The following RGS7 variants were observed in gnomAD, a reference collection of about 807,000 sequenced individuals.
RGS7 encodes the protein regulator of G-protein signaling 7.
Under a neutral mutation model 81.1 loss-of-function variants are expected in RGS7, and 27 were observed. The observed-to-expected ratio is 0.33, with a 90% CI of 0.25 to 0.46. RGS7 has a LOEUF of 0.46. Among genes scored for constraint, RGS7 ranks in the 20% least tolerant of loss-of-function variants. The pLI, the probability that RGS7 is intolerant of heterozygous loss-of-function variation, is 1.00. For synonymous variants in RGS7, 208 were observed against 207.7 expected (o/e 1.00, Z -0.01); for missense variants, 396 against 607.4 (o/e 0.65, Z 3.66).
chr1:240,790,454 C>T (rs2103007687), intron 18 of RGS7, among the ~76,000 whole-genome samples: 1 of 152,150 alleles, frequency 6.6e-6, no homozygotes, highest in Admixed American at 6.5e-5. Flanking sequence ...AGCCACTGTG[C>T]CCAGCCAATG....
intron 2 of RGS7, among the ~76,000 whole-genome samples, chr1:241,259,715 AAT>A (rs1176755608): frequency 6.8e-6 from 1 of 146,772 alleles, no homozygotes; most frequent in East Asian, 2.0e-4. Flanking sequence ...CAGCAACAAC[AAT>A]ATGTTTTGAT....
chr1:241,034,949 C>T (rs2060253691), intron 3 of RGS7, among the ~76,000 whole-genome samples: 1 of 152,110 alleles, frequency 6.6e-6, no homozygotes, highest in African/African-American at 2.4e-5. Context: ...TCTCTTCTTC[C>T]AACCCTCCAC....
At chr1:241,266,208 C>T (rs561888222) in intron 2 of RGS7, among the ~76,000 whole-genome samples, 3 of 152,300 alleles carry the variant, frequency 2.0e-5, no homozygotes, top group African/African-American at 4.8e-5. Flanking sequence ...AAAATCAGAA[C>T]GAGGGCCACT....
At chr1:241,187,633 A>C (rs991209216) in intron 2 of RGS7, among the ~76,000 whole-genome samples, 22 of 152,210 alleles carry the variant, frequency 1.4e-4, no homozygotes, top group African/African-American at 4.8e-4. Context: ...GGAATGCCAA[A>C]GTTCTCATCT....
intron 4 of RGS7, among the ~76,000 whole-genome samples, chr1:240,943,724 G>C (rs1296175796): frequency 2.0e-5 from 3 of 152,090 alleles, no homozygotes; most frequent in Admixed American, 1.3e-4. Flanking sequence ...TATATCACAG[G>C]GATAGCCACA....
intron 3 of RGS7, among the ~76,000 whole-genome samples, chr1:241,028,573 C>T (rs151264554): frequency 1.6e-4 from 25 of 152,082 alleles, no homozygotes; most frequent in South Asian, 1.0e-3. Context: ...CAGGAGAGCA[C>T]GGGATGAAAG....
chr1:241,158,902 A>G (rs1165934405), intron 2 of RGS7, among the ~76,000 whole-genome samples: 1 of 152,194 alleles, frequency 6.6e-6, no homozygotes, highest in South Asian at 2.1e-4. Flanking sequence ...TGCACTGAAA[A>G]TCATAAAAAT....
chr1:240,874,593 A>T lies in RGS7; in HGVS notation c.386-4474T>A, dbSNP rs191550416. On this transcript the variant is annotated intron_variant, in intron 6 of 18. Coordinates refer to ENST00000440928, the MANE Select transcript of RGS7 (RefSeq NM_001364886.1). ...TATTATTTTAACATTAAAAATTTTT[A>T]AAATATTTTAGTTGATAAATGAGAA... Among the ~76,000 whole-genome samples the T allele has an allele frequency of 4.2e-3, 634 of 152,324 alleles. 9 individuals are homozygous for T. The highest frequency in any genetic ancestry group is 0.013 in the African/African-American group (552 of 41,572).
chr1:241,228,454 T>C (rs2075454729), intron 2 of RGS7, among the ~76,000 whole-genome samples: 1 of 152,216 alleles, frequency 6.6e-6, no homozygotes, highest in South Asian at 2.1e-4. Flanking sequence ...ATAAATGTTA[T>C]ATTATCTATC....
intron 9 of RGS7, among the ~76,000 whole-genome samples, chr1:240,831,347 ACCC>A (rs1693806008): frequency 6.6e-6 from 1 of 152,130 alleles, no homozygotes; most frequent in South Asian, 2.1e-4. Flanking sequence ...AGTGCTGATA[ACCC>A]CTGAATAACT....
At chr1:240,964,919 A>G (rs115136604) in intron 4 of RGS7, among the ~76,000 whole-genome samples, 4,488 of 152,210 alleles carry the variant, frequency 0.029, 130 homozygotes, top group African/African-American at 0.073. Context: ...CCTTTCGGAC[A>G]CTTGTTCTGT....
At chr1:240,796,068 T>C (rs900704361) in intron 18 of RGS7, among the ~76,000 whole-genome samples, 1 of 152,200 alleles carries the variant, frequency 6.6e-6, no homozygotes, top group Non-Finnish European at 1.5e-5. Context: ...ATTACAGGCA[T>C]GAGCCACTGC....
chr1:241,021,572 A>G (rs916572953), intron 3 of RGS7, among the ~76,000 whole-genome samples: 31 of 152,260 alleles, frequency 2.0e-4, no homozygotes, highest in Admixed American at 9.8e-4. Context: ...AGAACCAAGT[A>G]TTTGCTGACT....
chr1:241,088,199 A>G (rs892016154), intron 3 of RGS7, among the ~76,000 whole-genome samples: 13 of 151,666 alleles, frequency 8.6e-5, no homozygotes, highest in African/African-American at 3.2e-4. Flanking sequence ...AATCTTCAAG[A>G]CCAGAGTGGC....
rs148601640 is a variant in RGS7, at chr1:241,046,138, G to A, written c.175+52528C>T. 4.4e-3 allele frequency among the ~76,000 whole-genome samples: 666 copies of A among 152,046 alleles called. 8 individuals carry two copies. Among genetic ancestry groups the A allele is most frequent in the African/African-American group, 0.015 (631 of 41,456 alleles). ...AGCATTTTGTTTTCTGCTGAGATTT[G>A]GGGTAGATCCATTTTTCAAAAAATT... On this transcript the variant is annotated intron_variant, in intron 3 of 18. Transcript: ENST00000440928.
At chr1:241,310,072 A>G (rs1395374298) in intron 2 of RGS7, among the ~76,000 whole-genome samples, 1 of 152,188 alleles carries the variant, frequency 6.6e-6, no homozygotes, top group Non-Finnish European at 1.5e-5. Flanking sequence ...AACGACATTA[A>G]TCCTGTTTCG....
intron 2 of RGS7, among the ~76,000 whole-genome samples, chr1:241,241,072 G>T (rs1451517575): frequency 1.3e-5 from 2 of 152,212 alleles, no homozygotes; most frequent in East Asian, 3.9e-4. Flanking sequence ...GGCTAGAACT[G>T]CCTGTTTGCT....
intron 2 of RGS7, among the ~76,000 whole-genome samples, chr1:241,295,206 TGG>T (rs1276659750): frequency 2.0e-5 from 3 of 152,050 alleles, no homozygotes; most frequent in Non-Finnish European, 4.4e-5. Context: ...CCCAGCACTT[TGG>T]GAGGCCAAGG....
At chr1:240,843,556 A>G (rs375503406) in intron 9 of RGS7, among the ~76,000 whole-genome samples, 3 of 152,292 alleles carry the variant, frequency 2.0e-5, no homozygotes, top group African/African-American at 7.2e-5. Context: ...ATGAGCCACT[A>G]TGCCCGGCCT....
Sources: gnomAD v4.1 joint callset for allele counts (sites outside exome capture counted in the v4.1 genomes callset) on GRCh38, gnomAD v4.1.1 for gene constraint, MANE v1.5 for transcripts, NCBI Gene and HGNC (gene_info 2026-07-23, HGNC 2026-07-21) for gene names.